TMEM87A: variants seen among roughly 807,000 people sequenced by gnomAD.
TMEM87A encodes the protein Golgi-pH regulating cation channel.
A neutral mutation model predicts 90.0 loss-of-function variants in TMEM87A; 50 were observed. The observed-to-expected ratio is 0.56, with a 90% confidence interval of 0.44 to 0.70. The LOEUF is 0.70. Ranked by LOEUF, TMEM87A falls within the 30% of genes least tolerant of loss-of-function variation. The pLI is 0.00. For missense variants in TMEM87A, 577 were observed against 660.5 expected (o/e 0.87, Z 1.39); for synonymous variants, 226 against 226.7 (o/e 1.00, Z 0.03).
At chr15:42,215,404 G>A (rs1037632350) in intron 19 of TMEM87A, among the ~76,000 whole-genome samples, 2 of 152,186 alleles carry the variant, frequency 1.3e-5, no homozygotes, top group Non-Finnish European at 2.9e-5. Flanking sequence ...GGGAGGCTGA[G>A]GCAGGAGAAT....
chr15:42,272,106 AC>A lies in TMEM87A; in HGVS notation c.161del (p.Ser54IlefsTer14). ...IPIPSGKNYF[S>X]FGKILFRNTT... ...TATTTCTGAAGAGGATCTTTCCAAA[AC>A]TAAAATAATTTTTCCCCTGCAAACA... On this transcript the variant is annotated frameshift_variant, in exon 2 of 20. Coordinates refer to ENST00000389834, the MANE Select transcript of TMEM87A (RefSeq NM_015497.5). LOFTEE classifies it high-confidence loss of function. 1 of 1,607,542 alleles carries A rather than the reference AC, an allele frequency of 6.2e-7. No homozygotes were observed. Among genetic ancestry groups the A allele is most frequent in the Non-Finnish European group, 8.5e-7 (1 of 1,177,600 alleles).
At chr15:42,237,036 G>T (rs2140941564) in intron 9 of TMEM87A, among the ~76,000 whole-genome samples, 1 of 152,302 alleles carries the variant, frequency 6.6e-6, no homozygotes, top group South Asian at 2.1e-4. Context: ...TTATCAGTTA[G>T]ATGCACTTTC....
intron 15 of TMEM87A, among the ~76,000 whole-genome samples, chr15:42,225,657 G>A (rs540411910): frequency 2.0e-5 from 3 of 152,072 alleles, no homozygotes; most frequent in Non-Finnish European, 2.9e-5. Flanking sequence ...TCAGCCTCCC[G>A]AGTAGCTGGG....
intron 15 of TMEM87A, chr15:42,224,350 A>G (rs2050551299): frequency 6.6e-6 from 1 of 152,348 alleles, no homozygotes; most frequent in Admixed American, 6.5e-5. Flanking sequence ...TTTGGCTGGG[A>G]GGAGGTAACA....
intron 18 of TMEM87A, 25 bp from the exon 19 acceptor site, chr15:42,217,858 T>C (rs1333945645): frequency 6.2e-7 from 1 of 1,609,294 alleles, no homozygotes; most frequent in Non-Finnish European, 8.5e-7. Flanking sequence ...AAATACTAAA[T>C]TGAACAATGT....
intron 15 of TMEM87A, among the ~76,000 whole-genome samples, chr15:42,220,628 G>A (rs1449036242): frequency 5.9e-5 from 1 of 16,940 alleles, no homozygotes. Context: ...CCTATTCCAG[G>A]TAATTTAATT....
At position 42,236,509 on chromosome 15, in the gene TMEM87A, C is replaced by A; in HGVS notation, c.869-90G>T. ...CTAGACTGCTGCTTTCTACACTCTT[C>A]AGAATAAGCATTGATATTAGTCCTG... On this transcript the variant is annotated intron_variant, in intron 9 of 19. Coordinates refer to ENST00000389834, the MANE Select transcript of TMEM87A (RefSeq NM_015497.5). 3 of 1,050,624 alleles carry A rather than the reference C, an allele frequency of 2.9e-6. No individual in the cohort carries two copies. In the South Asian group the frequency reaches 3.8e-5, roughly 13 times the overall value. 65.1% of individuals were successfully genotyped at this position (1,050,624 alleles called of 1,614,324 possible). A position where few individuals can be genotyped will look rare whatever the true frequency, so the allele number is the denominator to read the frequency against.
Position 42,220,208 on chromosome 15 carries a change from A to C in TMEM87A, c.1404-73T>G. On this transcript the variant is annotated intron_variant, in intron 15 of 19. Coordinates refer to ENST00000389834, the MANE Select transcript of TMEM87A (RefSeq NM_015497.5). ...AACTGCTATACCAGTTGCATTTTAC[A>C]AAACTAATTATTGAAACTGCAATTA... 9 of 1,074,192 alleles carry C rather than the reference A, an allele frequency of 8.4e-6. No homozygotes were observed. In the South Asian group the frequency reaches 1.0e-4, roughly 12 times the overall value. 66.5% of individuals were successfully genotyped at this position (1,074,192 alleles called of 1,614,324 possible). A position where few individuals can be genotyped will look rare whatever the true frequency, so the allele number is the denominator to read the frequency against.
chr15:42,245,520 C>CTTTTT (rs550453415), intron 6 of TMEM87A, among the ~76,000 whole-genome samples: 3 of 118,418 alleles, frequency 2.5e-5, no homozygotes, highest in African/African-American at 1.0e-4. Context: ...ACATTTATTA[C>CTTTTT]TTTTTTTTTT....
At chr15:42,232,405 T>G (rs2140935343) in intron 11 of TMEM87A, among the ~76,000 whole-genome samples, 1 of 152,322 alleles carries the variant, frequency 6.6e-6, no homozygotes, top group Admixed American at 6.5e-5. Flanking sequence ...TTAGATTCTT[T>G]GGTTTCCTTC....
chr15:42,226,791 G>C lies in TMEM87A; in HGVS notation c.1403+15C>G, dbSNP rs751579474. The C allele has an allele frequency of 1.9e-6, 3 of 1,609,058 alleles. No individual in the cohort carries two copies. Among genetic ancestry groups the C allele is most frequent in the Non-Finnish European group, 2.6e-6 (3 of 1,175,844 alleles). On this transcript the variant is annotated intron_variant, in intron 15 of 19. Transcript: ENST00000389834. ...TCATCTCATGTTAGCAGAGTAAACA[G>C]AAGAGTCCAAGAACCTCTGGTTGTT... is the stretch of plus-strand genomic sequence containing the variant.
chr15:42,268,208 T>C (rs114690638), intron 2 of TMEM87A, among the ~76,000 whole-genome samples, 176 bp from the exon 3 acceptor site: 2,172 of 152,292 alleles, frequency 0.014, 48 homozygotes, highest in African/African-American at 0.05. Context: ...GATATTAAGA[T>C]AAAAGTATTG....
intron 14 of TMEM87A, 108 bp downstream of exon 14, chr15:42,227,603 C>T: frequency 1.1e-6 from 1 of 932,104 alleles, no homozygotes; most frequent in East Asian, 2.6e-5. Flanking sequence ...AGAGACCTAG[C>T]TCTAATTTTT....
chr15:42,270,641 A>C (rs2140995186), intron 2 of TMEM87A, among the ~76,000 whole-genome samples: 1 of 152,302 alleles, frequency 6.6e-6, no homozygotes, highest in South Asian at 2.1e-4. Context: ...CACTAGATCA[A>C]ACTACACGAG....
chr15:42,215,963 C>T (rs2050377274), intron 19 of TMEM87A, among the ~76,000 whole-genome samples: 1 of 152,206 alleles, frequency 6.6e-6, no homozygotes, highest in Non-Finnish European at 1.5e-5. Flanking sequence ...TTATTCACAA[C>T]AGCCAAGGTA....
At chr15:42,258,476 G>A (rs933740082) in intron 6 of TMEM87A, 20 of 474,954 alleles carry the variant, frequency 4.2e-5, no homozygotes, top group African/African-American at 3.8e-4. Flanking sequence ...GCCCAGGCTG[G>A]AGTGCAGTAG....
At chr15:42,268,497 A>G (rs370157094) in intron 2 of TMEM87A, among the ~76,000 whole-genome samples, 2 of 151,974 alleles carry the variant, frequency 1.3e-5, no homozygotes, top group South Asian at 2.1e-4. Flanking sequence ...GTGAGAACTC[A>G]TCTCTACAAA....
chr15:42,263,021 T>A (rs1331128095), intron 4 of TMEM87A, among the ~76,000 whole-genome samples: 1 of 152,184 alleles, frequency 6.6e-6, no homozygotes, highest in Non-Finnish European at 1.5e-5. Flanking sequence ...AGGTGTGAAA[T>A]TGAACTCTAA....
At chr15:42,227,136 G>C in intron 14 of TMEM87A, 1 of 528,674 alleles carries the variant, frequency 1.9e-6, no homozygotes, top group South Asian at 2.5e-5. Context: ...CAACGGAACA[G>C]AGTATTTGTC....
Sources: allele counts gnomAD v4.1 joint callset (sites outside exome capture counted in the v4.1 genomes callset), GRCh38; gene constraint gnomAD v4.1.1; transcripts MANE v1.5; gene names NCBI Gene and HGNC (gene_info 2026-07-23, HGNC 2026-07-21).